The following SPIDR variants were observed in gnomAD, a reference collection of about 807,000 sequenced individuals.
SPIDR encodes the protein DNA repair-scaffolding protein.
SPIDR carries 93 observed loss-of-function variants against 104.6 expected under a neutral mutation model. The ratio of observed to expected loss-of-function variants is 0.89; its 90% CI spans 0.75 to 1.06. The LOEUF (loss-of-function observed/expected upper bound fraction) is 1.06. Among genes scored for constraint, SPIDR ranks in the 50% least tolerant of loss-of-function variants. The pLI is 0.00. For synonymous variants in SPIDR, 431 were observed against 416.9 expected, an observed-to-expected ratio of 1.03 and a Z score of -0.41; for missense variants, 1,154 against 1,111.2, an observed-to-expected ratio of 1.04 and a Z score of -0.55.
At chr8:47,552,812 G>C (rs994096587) in intron 8 of SPIDR, among the ~76,000 whole-genome samples, 6 of 152,168 alleles carry the variant, frequency 3.9e-5, no homozygotes, top group Admixed American at 3.3e-4. Flanking sequence ...TTTGATGTTA[G>C]CTGGTTATTT....
chr8:47,376,346 G>A (rs1165953138), intron 5 of SPIDR, among the ~76,000 whole-genome samples: 1 of 152,180 alleles, frequency 6.6e-6, no homozygotes, highest in Non-Finnish European at 1.5e-5. Context: ...GGTGTGATTG[G>A]AAGAGGATCC....
chr8:47,408,038 G>T, intron 7 of SPIDR, 77 bp downstream of exon 7: 1 of 723,448 alleles, frequency 1.4e-6, no homozygotes. Flanking sequence ...TAAAATATAT[G>T]AAGTTAATTG....
intron 8 of SPIDR, among the ~76,000 whole-genome samples, chr8:47,585,652 T>G (rs2060177240): frequency 1.3e-5 from 2 of 152,162 alleles, no homozygotes; most frequent in Admixed American, 6.6e-5. Flanking sequence ...ATTTATTTCT[T>G]ACACTTATGG....
At chr8:47,637,648 G>T (rs1331073687) in intron 10 of SPIDR, among the ~76,000 whole-genome samples, 2 of 152,182 alleles carry the variant, frequency 1.3e-5, no homozygotes, top group Non-Finnish European at 2.9e-5. Flanking sequence ...TGAGTTACGT[G>T]TTCTTAGGAG....
intron 7 of SPIDR, among the ~76,000 whole-genome samples, chr8:47,414,593 C>T (rs2063968019): frequency 6.6e-6 from 1 of 152,068 alleles, no homozygotes; most frequent in African/African-American, 2.4e-5. Context: ...ATTTAATTAC[C>T]CCACAGTTGA....
At chr8:47,427,179 T>C (rs1554685620) in intron 7 of SPIDR, among the ~76,000 whole-genome samples, 1 of 151,616 alleles carries the variant, frequency 6.6e-6, no homozygotes, top group Non-Finnish European at 1.5e-5. Context: ...TTTTAGACTT[T>C]CTTCACATTA....
At chr8:47,535,310 C>G (rs866687247) in intron 8 of SPIDR, among the ~76,000 whole-genome samples, 3 of 152,296 alleles carry the variant, frequency 2.0e-5, no homozygotes, top group Middle Eastern at 3.4e-3. Context: ...CACTTAAGCA[C>G]TAAGTGCAGG....
At chr8:47,456,551 G>A (rs1303414743) in intron 8 of SPIDR, among the ~76,000 whole-genome samples, 2 of 152,228 alleles carry the variant, frequency 1.3e-5, no homozygotes, top group East Asian at 3.9e-4. Context: ...TAAACATGTG[G>A]AAATTAAACA....
intron 5 of SPIDR, among the ~76,000 whole-genome samples, chr8:47,302,958 T>C (rs878994266): frequency 6.6e-6 from 1 of 152,184 alleles, no homozygotes; most frequent in African/African-American, 2.4e-5. Flanking sequence ...GGAGAACCAC[T>C]ACTCTCTTCA....
At chr8:47,290,883 TTAGG>T (rs1418839667) in intron 3 of SPIDR, 146 bp from the exon 4 acceptor site, 41 of 489,656 alleles carry the variant, frequency 8.4e-5, no homozygotes, top group Non-Finnish European at 1.4e-4. Context: ...ACGTAGAACT[TTAGG>T]TAGGAAGATT....
rs551045877 is a variant in SPIDR, at chr8:47,353,277, C to T, written c.526-43099C>T. Among the ~76,000 whole-genome samples, 6 of 152,086 alleles carry T rather than the reference C, an allele frequency of 3.9e-5. No individual in the cohort carries two copies. The East Asian group carries it at 9.7e-4, about 24-fold the overall frequency. ...ACTTACCTTCTCATTTGCATCTTAC[C>T]CTTGTGGCCGAATTAGCAGGACCTG... On this transcript the variant is annotated intron_variant, in intron 5 of 19. Transcript: ENST00000297423.
At chr8:47,320,701 A>C (rs1158544895) in intron 5 of SPIDR, among the ~76,000 whole-genome samples, 2 of 152,220 alleles carry the variant, frequency 1.3e-5, no homozygotes, top group Non-Finnish European at 2.9e-5. Context: ...ATCCTCAATA[A>C]AATACTGGCA....
In SPIDR at chr8:47,492,647, C is replaced by T. The variant is rs574384437; in HGVS notation, c.1097+52105C>T. On this transcript the variant is annotated intron_variant, in intron 8 of 19. Coordinates refer to ENST00000297423, the MANE Select transcript of SPIDR (RefSeq NM_001080394.4). ...GTTACCTGCCTACTTCTGGGCCCTT[C>T]TTTTCTCAAGCCATTTTTGGTCCTC... Among the ~76,000 whole-genome samples the T allele has an allele frequency of 1.7e-4, 26 of 152,220 alleles. No homozygotes were observed. The South Asian group carries it at 2.3e-3, about 13-fold the overall frequency.
In SPIDR at chr8:47,329,579, T is replaced by C. The variant is rs1294014857; in HGVS notation, c.525+35549T>C. On this transcript the variant is annotated intron_variant, in intron 5 of 19. Coordinates refer to ENST00000297423, the MANE Select transcript of SPIDR (RefSeq NM_001080394.4). ...CAGGTACATCTCAACCAAATCTTCCTTAGATTTGTTACTAGTTTTATGCCA... is the reference window on the plus strand; with the variant it reads ...CAGGTACATCTCAACCAAATCTTCCCTAGATTTGTTACTAGTTTTATGCCA... Among the ~76,000 whole-genome samples the C allele has an allele frequency of 2.0e-5, 3 of 152,210 alleles. No individual in the cohort carries two copies. In the East Asian group the frequency reaches 5.8e-4, roughly 29 times the overall value.
intron 8 of SPIDR, among the ~76,000 whole-genome samples, chr8:47,536,056 T>C (rs2086847828): frequency 6.6e-6 from 1 of 150,534 alleles, no homozygotes; most frequent in Admixed American, 6.7e-5. Context: ...CATTTACATT[T>C]GCATCAAAAA....
intron 8 of SPIDR, among the ~76,000 whole-genome samples, chr8:47,565,450 T>C (rs532184981): frequency 6.6e-6 from 1 of 152,286 alleles, no homozygotes; most frequent in East Asian, 1.9e-4. Flanking sequence ...CTTGTACCAT[T>C]CTAGGCTTTT....
At chr8:47,266,536 G>C (rs573169628) in intron 1 of SPIDR, among the ~76,000 whole-genome samples, 119 of 152,268 alleles carry the variant, frequency 7.8e-4, no homozygotes, top group African/African-American at 2.7e-3. Flanking sequence ...GCTGTTTTCA[G>C]GTTTTGGTTA....
chr8:47,674,044 A>G (rs1310422496), intron 11 of SPIDR, 103 bp downstream of exon 11: 1 of 1,398,308 alleles, frequency 7.2e-7, no homozygotes, highest in Non-Finnish European at 9.5e-7. Flanking sequence ...GCAATAAACC[A>G]GGATCCTAGA....
chr8:47,496,987 C>T (rs576932690), intron 8 of SPIDR, among the ~76,000 whole-genome samples: 13 of 152,036 alleles, frequency 8.6e-5, no homozygotes, highest in East Asian at 1.9e-4. Context: ...TGTTGGCTTA[C>T]GGTTGCTCAG....
Sources: allele counts gnomAD v4.1 joint callset (sites outside exome capture counted in the v4.1 genomes callset), GRCh38; gene constraint gnomAD v4.1.1; transcripts MANE v1.5; gene names NCBI Gene and HGNC (gene_info 2026-07-23, HGNC 2026-07-21).